The following GLS2 variants were observed in gnomAD, a reference collection of about 807,000 sequenced individuals.
GLS2 encodes glutaminase liver isoform, mitochondrial.
GLS2 carries 52 observed loss-of-function variants against 79.0 expected under a neutral mutation model. The observed-to-expected ratio is 0.66, with a 90% CI of 0.53 to 0.83. The LOEUF (loss-of-function observed/expected upper bound fraction) is 0.83. Among genes scored for constraint, GLS2 ranks in the 40% least tolerant of loss-of-function variants. GLS2 has a pLI of 0.00. For missense variants in GLS2, 561 were observed against 764.8 expected (o/e 0.73, Z 3.14); for synonymous variants, 238 against 280.8 (o/e 0.85, Z 1.52).
chr12:56,478,416 C>T (rs947167382), intron 4 of GLS2, 154 bp from the exon 5 acceptor site: 16 of 722,238 alleles, frequency 2.2e-5, no homozygotes, highest in East Asian at 1.1e-4. Flanking sequence ...CAGAAATGCC[C>T]GAGCCTTAAG....
chr12:56,480,329 C>T lies in GLS2; in HGVS notation c.241G>A (p.Ala81Thr), dbSNP rs1277408187. Residue 81 changes from alanine (A) to threonine (T), a missense_variant, in exon 2 of 18, where the codon GCT (alanine) becomes ACT (threonine). By Grantham distance (58) the Ala-to-Thr change is moderately conservative. This residue lies in a region of GLS2 where 161 missense variants were observed against 167.8 expected (regional missense o/e 0.96). Transcript: ENST00000311966. The stretch of plus-strand genomic sequence containing the variant: ...ATAGGGATTCGTTCCTGTCCTTCAG[C>T]AATAGTGTAAAAGAGCAAATCACCC... ...RLGDLLFYTIAEGQERIPIHK... is the reference protein window; with the variant it reads ...RLGDLLFYTITEGQERIPIHK... 4 of 1,614,148 alleles carry T rather than the reference C, an allele frequency of 2.5e-6. No homozygotes were observed. The highest frequency in any genetic ancestry group is 3.4e-6 in the Non-Finnish European group (4 of 1,180,016).
Position 56,474,570 on chromosome 12 carries a change from CAT to C in GLS2, c.1196_1197del (p.Tyr399Ter). 6.2e-7 allele frequency: 1 copy of C among 1,614,116 alleles called. No individual in the cohort carries two copies. Among genetic ancestry groups the C allele is most frequent in the Non-Finnish European group, 8.5e-7 (1 of 1,180,052 alleles). On this transcript the variant is annotated frameshift_variant, in exon 12 of 18. Transcript: ENST00000311966. LOFTEE classifies it high-confidence loss of function. ...TLSLMHSCGM[Y>X]DFSGQFAFHV... ...TGGAAGGCAAACTGGCCAGAGAAGT[CAT>C]ACATGCCGCAGGAATGCATGAGGCT...
At chr12:56,486,393 A>G (rs1414303329) in intron 1 of GLS2, among the ~76,000 whole-genome samples, 2 of 152,180 alleles carry the variant, frequency 1.3e-5, no homozygotes, top group Non-Finnish European at 2.9e-5. Context: ...GTATCCCACC[A>G]TTATTTCTCC....
intron 17 of GLS2, 37 bp from the exon 18 acceptor site, chr12:56,471,680 G>C (rs371114386): frequency 2.5e-6 from 4 of 1,612,664 alleles, no homozygotes; most frequent in Non-Finnish European, 3.4e-6. Flanking sequence ...CAAAGGAGAC[G>C]TGGAGAGTGG....
intron 1 of GLS2, among the ~76,000 whole-genome samples, chr12:56,480,738 C>A (rs12304519): frequency 0.3 from 45,715 of 152,058 alleles, 7,119 homozygotes; most frequent in South Asian, 0.49. Context: ...TTACCACCCA[C>A]CTGGGTGCCA....
rs1306993043 is a variant in GLS2, at chr12:56,487,671, G to T, written c.182+266C>A. ...ACGTGAGCCAAGCAACACTCGGCGCGCATCTGTGATCCGGGTTAAGTGCGC... is the reference window on the plus strand; with the variant it reads ...ACGTGAGCCAAGCAACACTCGGCGCTCATCTGTGATCCGGGTTAAGTGCGC... On this transcript the variant is annotated intron_variant, in intron 1 of 17. Transcript: ENST00000311966. 5.7e-6 allele frequency: 3 copies of T among 522,088 alleles called. No homozygotes were observed. In the African/African-American group the frequency reaches 6.0e-5, roughly 11 times the overall value. The allele number at this position is 522,088 out of a possible 1,614,324, so 32.3% of individuals were successfully genotyped here.
chr12:56,475,811 C>A, intron 8 of GLS2, 129 bp from the exon 9 acceptor site: 2 of 1,410,900 alleles, frequency 1.4e-6, no homozygotes, highest in Non-Finnish European at 2.0e-6. Context: ...AGCAGATTTC[C>A]ACATTTCTGG....
rs756770459 is a variant in GLS2, at chr12:56,475,960, T to C, written c.855A>G (p.Ala285=). The C allele has an allele frequency of 1.9e-6, 3 of 1,613,682 alleles. No individual in the cohort carries two copies. The highest frequency in any genetic ancestry group is 2.5e-6 in the Non-Finnish European group (3 of 1,180,004). ...GGGAACTTACAAAATCAAACTTCTCTGCTTTGTTACAGTCCATCTGCAGAG... is the reference window on the plus strand; with the variant it reads ...GGGAACTTACAAAATCAAACTTCTCCGCTTTGTTACAGTCCATCTGCAGAG... The part of the protein sequence containing the change: ...SSLIKMDCNK[A]EKFDFVLQYL... Residue 285 remains alanine (A), a synonymous_variant, in exon 8 of 18, where the codon GCA becomes GCG. Transcript: ENST00000311966.
chr12:56,484,139 G>T (rs775247731), intron 1 of GLS2, among the ~76,000 whole-genome samples: 3 of 152,050 alleles, frequency 2.0e-5, no homozygotes, highest in African/African-American at 7.2e-5. Flanking sequence ...GTGTGGTGGC[G>T]CGCACCTGTA....
chr12:56,472,334 C>CT, intron 15 of GLS2, 139 bp from the exon 16 acceptor site: 2 of 714,690 alleles, frequency 2.8e-6, no homozygotes, highest in Non-Finnish European at 4.8e-6. Flanking sequence ...TCTGAATAAT[C>CT]TTTTTTCCAT....
rs1201891856 is a variant in GLS2 at position 56,473,478 on chromosome 12, C to T, written c.1341G>A (p.Gly447=). ...AGCATCTCACCTGGCAGAAGCTGGT[C>T]CCCCTATGGCTGTTCCCCAGCTTGT... ...PLDKLGNSHR[G]TSFCQKLVSL... The change falls in exon 13 of 18, where the codon GGG becomes GGA. Residue 447 remains glycine, a synonymous_variant. Transcript: ENST00000311966. 7 of 1,611,006 alleles carry T rather than the reference C, an allele frequency of 4.3e-6. No homozygotes were observed. Among genetic ancestry groups the T allele is most frequent in the Non-Finnish European group, 5.9e-6 (7 of 1,178,368 alleles).
At chr12:56,480,415 A>G (rs1341401648) in intron 1 of GLS2, 28 bp from the exon 2 acceptor site, 1 of 1,580,018 alleles carries the variant, frequency 6.3e-7, no homozygotes, top group African/African-American at 1.3e-5. Flanking sequence ...ATGGGGAGGA[A>G]AGTGGGGCCT....
In GLS2 at chr12:56,471,276, T is replaced by C; in HGVS notation, c.*211A>G. 1.8e-6 allele frequency: 1 copy of C among 543,844 alleles called. No homozygotes were observed. The highest frequency in any genetic ancestry group is 3.1e-5 in the South Asian group (1 of 32,714). 33.7% of individuals were successfully genotyped at this position (543,844 alleles called of 1,614,324 possible). A position where few individuals can be genotyped will look rare whatever the true frequency, so the allele number is the denominator to read the frequency against. On this transcript the variant is annotated 3_prime_UTR_variant, in exon 18 of 18. Coordinates refer to ENST00000311966, the MANE Select transcript of GLS2 (RefSeq NM_013267.4). ...GCCCAGTCTCTCTGGATAGCTGTAC[T>C]GCAGGTGTCCTCTGAGGCCCTTCTC...
Position 56,472,678 on chromosome 12 carries a change from C to T in GLS2, c.1511+12G>A, listed in dbSNP as rs1565700956. 2 of 1,612,448 alleles carry T rather than the reference C, an allele frequency of 1.2e-6. No homozygotes were observed. Among genetic ancestry groups the T allele is most frequent in the Non-Finnish European group, 8.5e-7 (1 of 1,178,620 alleles). ...GTATTTTATTGTGTATATTTGGTCA[C>T]AGTAGCATTACCTTCGAAGAGCTGA... On this transcript the variant is annotated intron_variant, in intron 15 of 17. Transcript: ENST00000311966.
At chr12:56,474,980 C>T (rs1869672732) in intron 10 of GLS2, 64 bp downstream of exon 10, 3 of 1,613,792 alleles carry the variant, frequency 1.9e-6, no homozygotes, top group Admixed American at 1.7e-5. Flanking sequence ...GCCCCCAACC[C>T]CTACTGCCCT....
chr12:56,471,256 GTC>G lies in GLS2; in HGVS notation c.*229_*230del, dbSNP rs931795867. 2 of 495,058 alleles carry G rather than the reference GTC, an allele frequency of 4.0e-6. No homozygotes were observed. Among genetic ancestry groups the G allele is most frequent in the Non-Finnish European group, 7.0e-6 (2 of 283,904 alleles). 30.7% of individuals were successfully genotyped at this position (495,058 alleles called of 1,614,324 possible). Reference sequence around the variant, plus strand: ...CCATTAGGCTGTACCTTGAAGCCCAGTCTCTCTGGATAGCTGTACTGCAGGTG... The same window carrying G: ...CCATTAGGCTGTACCTTGAAGCCCAGTCTCTGGATAGCTGTACTGCAGGTG... On this transcript the variant is annotated 3_prime_UTR_variant, in exon 18 of 18. Coordinates refer to ENST00000311966, the MANE Select transcript of GLS2 (RefSeq NM_013267.4).
At chr12:56,482,795 C>T (rs527751338) in intron 1 of GLS2, among the ~76,000 whole-genome samples, 1 of 152,242 alleles carries the variant, frequency 6.6e-6, no homozygotes, top group South Asian at 2.1e-4. Context: ...AGGGGTCTCA[C>T]TATGTTGCCT....
chr12:56,475,067 C>T lies in GLS2; in HGVS notation c.973G>A (p.Gly325Ser), dbSNP rs141411550. 67 of 1,614,012 alleles carry T rather than the reference C, an allele frequency of 4.2e-5. No homozygotes were observed. Among genetic ancestry groups the T allele is most frequent in the Admixed American group, 3.7e-4 (22 of 59,972 alleles). Residue 325 changes from glycine to serine, a missense_variant, in exon 10 of 18, where the codon GGC becomes AGC. Around this residue, in one of 4 missense-constraint regions of GLS2, gnomAD observed 221 missense variants for 275.6 expected, o/e 0.80. Transcript: ENST00000311966. ...KETGDRNYAI[G>S]YYLKEKKCFP... Reference sequence around the variant, plus strand: ...ACCTTCTTTTCCTTGAGATAATAGCCGATGGCATAATTCCGATCCCCTGTT... The same window carrying T: ...ACCTTCTTTTCCTTGAGATAATAGCTGATGGCATAATTCCGATCCCCTGTT...
At chr12:56,479,964 C>A in intron 2 of GLS2, 63 bp from the exon 3 acceptor site, 1 of 1,571,278 alleles carries the variant, frequency 6.4e-7, no homozygotes. Context: ...TCCTCATAAT[C>A]TTTCCCACTG....
Sources: allele counts gnomAD v4.1 joint callset (sites outside exome capture counted in the v4.1 genomes callset), GRCh38; gene constraint gnomAD v4.1.1; regional missense constraint gnomAD v4.1.1; transcripts MANE v1.5; gene names NCBI Gene and HGNC (gene_info 2026-07-23, HGNC 2026-07-21).